Variants in PTPRT observed in about 807,000 individuals in gnomAD.
The protein encoded by PTPRT is receptor-type tyrosine-protein phosphatase T.
PTPRT carries 56 observed loss-of-function variants against 176.8 expected under a neutral mutation model. That is an observed-to-expected ratio of 0.32 (90% CI 0.26 to 0.40). The LOEUF (loss-of-function observed/expected upper bound fraction) is 0.40. Ranked by LOEUF, PTPRT falls within the 10% of genes least tolerant of loss-of-function variation. The pLI, the probability that PTPRT is intolerant of heterozygous loss-of-function variation, is 1.00. For missense variants in PTPRT, 1,540 were observed against 1,908.2 expected, an observed-to-expected ratio of 0.81 and a Z score of 3.60; for synonymous variants, 783 against 739.0, an observed-to-expected ratio of 1.06 and a Z score of -0.96.
rs117979046 is a variant in PTPRT at position 43,161,595 on chromosome 20, C to T, written c.88+28051G>A. Among the ~76,000 whole-genome samples, 256 of 152,268 alleles carry T rather than the reference C, an allele frequency of 1.7e-3. No homozygotes were observed. The Middle Eastern group carries it at 0.02, about 12-fold the overall frequency. ...AAATTGGTAAGACACTCAACCCAGA[C>T]GCTCCAAATGCCAAGGAACCAAGCA... On this transcript the variant is annotated intron_variant, in intron 1 of 30. Coordinates refer to ENST00000373187, the MANE Select transcript of PTPRT (RefSeq NM_007050.6).
chr20:42,087,872 CAAAA>C (rs56235565), intron 27 of PTPRT, among the ~76,000 whole-genome samples: 106 of 89,042 alleles, frequency 1.2e-3, no homozygotes, highest in African/African-American at 3.5e-3. Context: ...GACTCCATTT[CAAAA>C]AAAAAAAAAA....
At chr20:42,746,836 A>T (rs1019068958) in intron 6 of PTPRT, among the ~76,000 whole-genome samples, 2 of 152,152 alleles carry the variant, frequency 1.3e-5, no homozygotes, top group African/African-American at 4.8e-5. Flanking sequence ...TCTACCACAA[A>T]AAAACTTCCA....
intron 12 of PTPRT, among the ~76,000 whole-genome samples, chr20:42,300,257 C>CAAA (rs761176814): frequency 1.4e-3 from 69 of 49,378 alleles, no homozygotes; most frequent in South Asian, 3.8e-3. Context: ...AACTCCGTCT[C>CAAA]AAAAAAAAAA....
At chr20:42,170,837 T>C (rs1370222777) in intron 16 of PTPRT, among the ~76,000 whole-genome samples, 1 of 152,116 alleles carries the variant, frequency 6.6e-6, no homozygotes, top group Non-Finnish European at 1.5e-5. Context: ...TTAAAACAAC[T>C]CATTGGCAAA....
At chr20:42,048,724 G>T in the PTPRT span, among the ~76,000 whole-genome samples, 2 of 152,028 alleles carry the variant, frequency 1.3e-5, no homozygotes, top group African/African-American at 4.8e-5. Context: ...GGCATGAAGG[G>T]GTATGACAAG....
intron 2 of PTPRT, among the ~76,000 whole-genome samples, chr20:42,813,838 A>G (rs1280275102): frequency 2.0e-5 from 3 of 152,128 alleles, no homozygotes; most frequent in African/African-American, 7.2e-5. Context: ...ATCTACTTGC[A>G]GGTATTTACT....
intron 9 of PTPRT, among the ~76,000 whole-genome samples, chr20:42,386,271 GT>G (rs1362841580): frequency 6.6e-6 from 1 of 152,142 alleles, no homozygotes; most frequent in African/African-American, 2.4e-5. Flanking sequence ...CTAATAAAAG[GT>G]ATTATACAGA....
At chr20:42,970,102 C>A (rs527508590) in intron 1 of PTPRT, among the ~76,000 whole-genome samples, 2 of 152,294 alleles carry the variant, frequency 1.3e-5, no homozygotes, top group South Asian at 4.1e-4. Context: ...AATGCCCCTG[C>A]TAGCTGGTCT....
chr20:42,683,366 C>G (rs890790193), intron 6 of PTPRT, among the ~76,000 whole-genome samples: 8 of 152,104 alleles, frequency 5.3e-5, no homozygotes, highest in African/African-American at 1.9e-4. Flanking sequence ...AAACCTCCAA[C>G]TCTTGGGTTC....
At chr20:43,061,117 T>A (rs910066971) in intron 1 of PTPRT, among the ~76,000 whole-genome samples, 8 of 151,528 alleles carry the variant, frequency 5.3e-5, no homozygotes, top group Non-Finnish European at 8.8e-5. Flanking sequence ...GATGGATGGA[T>A]GGATGGTCAG....
chr20:42,301,144 T>C (rs1430133718), intron 12 of PTPRT, among the ~76,000 whole-genome samples: 2 of 152,356 alleles, frequency 1.3e-5, no homozygotes, highest in East Asian at 1.9e-4. Flanking sequence ...AGTAGCTTTA[T>C]AGTGGAGAAA....
chr20:42,409,481 CAAAAAAAAAAAAAAAAAA>C (rs58932390), intron 9 of PTPRT, among the ~76,000 whole-genome samples: 1,202 of 112,120 alleles, frequency 0.011, 24 homozygotes, highest in African/African-American at 0.04. Context: ...GACTCTGTCG[CAAAAAAAAAAAAAAAAAA>C]AAAAAAAAAA....
chr20:42,188,070 T>C (rs1340720333), intron 16 of PTPRT, among the ~76,000 whole-genome samples: 1 of 152,208 alleles, frequency 6.6e-6, no homozygotes, highest in Non-Finnish European at 1.5e-5. Flanking sequence ...ACTGCCAACC[T>C]GGCATCTCTT....
intron 16 of PTPRT, among the ~76,000 whole-genome samples, chr20:42,190,278 C>T (rs1990946440): frequency 6.6e-6 from 1 of 152,130 alleles, no homozygotes; most frequent in Non-Finnish European, 1.5e-5. Flanking sequence ...ATTGCTTTTC[C>T]TTGTAAATTT....
At chr20:42,119,590 C>G (rs1263495688) in intron 20 of PTPRT, among the ~76,000 whole-genome samples, 1 of 152,190 alleles carries the variant, frequency 6.6e-6, no homozygotes, top group Non-Finnish European at 1.5e-5. Flanking sequence ...CAGCTCCGGC[C>G]CTGGCAGGTG....
intron 1 of PTPRT, among the ~76,000 whole-genome samples, chr20:43,098,398 C>T (rs938293121): frequency 6.6e-6 from 1 of 152,094 alleles, no homozygotes; most frequent in African/African-American, 2.4e-5. Flanking sequence ...TTCCCAGGAT[C>T]ATTTTGTACA....
At position 42,595,400 on chromosome 20, in the gene PTPRT, C is replaced by T. The variant is rs571314625; in HGVS notation, c.1153+82466G>A. ...CCCAGAAGATGCCAGTAGTACTGTC[C>T]CGGTTGTGACAAGCAGAAATGGGTC... On this transcript the variant is annotated intron_variant, in intron 7 of 30. Transcript: ENST00000373187. Among the ~76,000 whole-genome samples, 46 of 151,998 alleles carry T rather than the reference C, an allele frequency of 3.0e-4. No homozygotes were observed. In the South Asian group the frequency reaches 7.3e-3, roughly 24 times the overall value.
chr20:42,976,144 G>A (rs1982935104), intron 1 of PTPRT, among the ~76,000 whole-genome samples: 1 of 152,144 alleles, frequency 6.6e-6, no homozygotes, highest in Admixed American at 6.5e-5. Context: ...TGTCTGTGAT[G>A]CTAATGATCA....
At chr20:43,004,491 CA>C (rs1206463594) in intron 1 of PTPRT, among the ~76,000 whole-genome samples, 11 of 152,112 alleles carry the variant, frequency 7.2e-5, no homozygotes, top group African/African-American at 2.7e-4. Flanking sequence ...GGCAAAAATT[CA>C]AAAGATAAAT....
Sources: gnomAD v4.1 joint callset for allele counts (sites outside exome capture counted in the v4.1 genomes callset) on GRCh38, gnomAD v4.1.1 for gene constraint, MANE v1.5 for transcripts, NCBI Gene and HGNC (gene_info 2026-07-23, HGNC 2026-07-21) for gene names.